Variants in CDIN1 observed in about 807,000 individuals in gnomAD.
The protein encoded by CDIN1 is CDAN1 interacting nuclease 1, also known as CDAN1-interacting nuclease 1.
CDIN1 carries 33 observed loss-of-function variants against 45.3 expected under a neutral mutation model. The ratio of observed to expected loss-of-function variants is 0.73; its 90% CI spans 0.55 to 0.97. The LOEUF is 0.97. Ranked by LOEUF, CDIN1 falls within the 50% of genes least tolerant of loss-of-function variation. The pLI is 0.00. For synonymous variants in CDIN1, 118 were observed against 124.4 expected, an observed-to-expected ratio of 0.95 and a Z score of 0.34; for missense variants, 303 against 339.4, an observed-to-expected ratio of 0.89 and a Z score of 0.84.
intron 8 of CDIN1, among the ~76,000 whole-genome samples, chr15:36,700,662 CTG>C (rs1173986987): frequency 6.6e-6 from 1 of 151,180 alleles, no homozygotes; most frequent in East Asian, 1.9e-4. Context: ...CTTAAGCCTG[CTG>C]TGGGCAGACA....
intron 10 of CDIN1, among the ~76,000 whole-genome samples, chr15:36,721,470 T>A (rs1466666081): frequency 6.6e-6 from 1 of 152,214 alleles, no homozygotes; most frequent in Admixed American, 6.6e-5. Context: ...TTTTGAAATA[T>A]TTGAGAAATT....
At position 36,809,159 on chromosome 15, in the gene CDIN1, T is replaced by C. The variant is rs746244538; in HGVS notation, c.*706T>C. 3.2e-6 allele frequency: 1 copy of C among 314,794 alleles called. No homozygotes were observed. The highest frequency in any genetic ancestry group is 6.3e-6 in the Non-Finnish European group (1 of 159,212). 19.5% of individuals were successfully genotyped at this position (314,794 alleles called of 1,614,324 possible). On this transcript the variant is annotated 3_prime_UTR_variant, in exon 11 of 11. Coordinates refer to ENST00000566621, the MANE Select transcript of CDIN1 (RefSeq NM_001321759.2). Reference sequence around the variant, plus strand: ...TTATTTGAACACCACATATTTTAGATTTATCTTATTTGAAAGTATTAGTTC... The same window carrying C: ...TTATTTGAACACCACATATTTTAGACTTATCTTATTTGAAAGTATTAGTTC...
Position 36,807,668 on chromosome 15 carries a change from G to A in CDIN1, c.717-656G>A, listed in dbSNP as rs1006514584. On this transcript the variant is annotated intron_variant, in intron 10 of 10. Coordinates refer to ENST00000566621, the MANE Select transcript of CDIN1 (RefSeq NM_001321759.2). ...TTAAGCCCGTAGCGATCTATACTTT[G>A]TCACAAGCCTATATGACCTTATTCC... 2.0e-5 allele frequency among the ~76,000 whole-genome samples: 3 copies of A among 152,108 alleles called. No individual in the cohort carries two copies. The East Asian group carries it at 5.8e-4, about 29-fold the overall frequency.
chr15:36,684,294 A>C (rs2041962049), intron 5 of CDIN1, among the ~76,000 whole-genome samples: 1 of 151,958 alleles, frequency 6.6e-6, no homozygotes, highest in Non-Finnish European at 1.5e-5. Flanking sequence ...AGGGTTGTTG[A>C]ATTTTGTCAA....
intron 8 of CDIN1, chr15:36,708,961 G>T: frequency 3.4e-6 from 1 of 296,958 alleles, no homozygotes; most frequent in Non-Finnish European, 6.1e-6. Flanking sequence ...TACAAAAAAG[G>T]TAGTATATGA....
intron 5 of CDIN1, among the ~76,000 whole-genome samples, chr15:36,674,406 G>T (rs752520752): frequency 2.7e-4 from 41 of 152,174 alleles, no homozygotes; most frequent in Non-Finnish European, 5.1e-4. Flanking sequence ...GTCCTTCATA[G>T]AAAGGAAAAA....
intron 10 of CDIN1, among the ~76,000 whole-genome samples, chr15:36,792,834 C>T (rs8042057): frequency 0.47 from 71,714 of 151,860 alleles, 17,445 homozygotes; most frequent in Admixed American, 0.56. Flanking sequence ...TGTAGCATCC[C>T]ATCGGGCCCA....
chr15:36,645,573 CAGTT>C (rs975183863), intron 3 of CDIN1, among the ~76,000 whole-genome samples: 4 of 151,232 alleles, frequency 2.6e-5, no homozygotes, highest in African/African-American at 9.7e-5. Context: ...TATGAAATCT[CAGTT>C]GGCTACTTGA....
chr15:36,665,978 C>T (rs1232007146), intron 5 of CDIN1, among the ~76,000 whole-genome samples: 1 of 151,772 alleles, frequency 6.6e-6, no homozygotes, highest in South Asian at 2.1e-4. Flanking sequence ...TTGGTTATTC[C>T]AGGATATTTA....
At chr15:36,754,759 G>A (rs911779806) in intron 10 of CDIN1, among the ~76,000 whole-genome samples, 1 of 151,960 alleles carries the variant, frequency 6.6e-6, no homozygotes, top group South Asian at 2.1e-4. Context: ...GGATAAAAAG[G>A]CCTTTAGAAA....
intron 10 of CDIN1, among the ~76,000 whole-genome samples, chr15:36,800,911 A>G (rs200294264): frequency 2.4e-3 from 127 of 52,734 alleles, no homozygotes; most frequent in East Asian, 8.3e-3. Flanking sequence ...GTGTGTGTGT[A>G]TATATATATA....
intron 1 of CDIN1, among the ~76,000 whole-genome samples, chr15:36,599,738 G>T (rs1393431611): frequency 6.6e-6 from 1 of 152,204 alleles, no homozygotes; most frequent in East Asian, 1.9e-4. Flanking sequence ...TAAGAAAGGT[G>T]CAGGTCAGCT....
intron 5 of CDIN1, among the ~76,000 whole-genome samples, chr15:36,682,377 A>G (rs533282293): frequency 1.6e-4 from 25 of 152,232 alleles, no homozygotes; most frequent in East Asian, 3.9e-4. Context: ...CGGTCCTTCA[A>G]TGGATTGCAT....
chr15:36,791,844 C>G (rs925462949), intron 10 of CDIN1, among the ~76,000 whole-genome samples: 1 of 152,144 alleles, frequency 6.6e-6, no homozygotes, highest in African/African-American at 2.4e-5. Context: ...CTGACAGGGA[C>G]TACACCTACA....
chr15:36,681,042 GAGAA>G (rs1399661152), intron 5 of CDIN1, among the ~76,000 whole-genome samples: 1 of 152,030 alleles, frequency 6.6e-6, no homozygotes, highest in African/African-American at 2.4e-5. Context: ...GACAGAGACA[GAGAA>G]AGAAAGAAAA....
intron 10 of CDIN1, among the ~76,000 whole-genome samples, chr15:36,760,898 C>T (rs2053742711): frequency 6.6e-6 from 1 of 152,218 alleles, no homozygotes; most frequent in African/African-American, 2.4e-5. Context: ...GTAGCAATTT[C>T]TTCTTCTGCA....
At chr15:36,670,230 T>G (rs1320148317) in intron 5 of CDIN1, among the ~76,000 whole-genome samples, 2 of 152,148 alleles carry the variant, frequency 1.3e-5, no homozygotes, top group African/African-American at 4.8e-5. Flanking sequence ...AATTCCATAC[T>G]CCTTCTTCTC....
At chr15:36,617,005 A>T (rs2140295778) in intron 1 of CDIN1, 1 of 670,792 alleles carries the variant, frequency 1.5e-6, no homozygotes, top group East Asian at 2.5e-5. Flanking sequence ...AAACTTATTT[A>T]AAAAATTTAT....
chr15:36,764,102 G>A (rs1261579639), intron 10 of CDIN1, among the ~76,000 whole-genome samples: 8 of 152,074 alleles, frequency 5.3e-5, no homozygotes, highest in Non-Finnish European at 1.5e-5. Context: ...AAGTATCTAT[G>A]CTGTGAGTTG....
Sources: allele counts gnomAD v4.1 joint callset (sites outside exome capture counted in the v4.1 genomes callset), GRCh38; gene constraint gnomAD v4.1.1; transcripts MANE v1.5; gene names NCBI Gene and HGNC (gene_info 2026-07-23, HGNC 2026-07-21).